The following PLEKHG4 variants were observed in gnomAD, a reference collection of about 807,000 sequenced individuals.
The protein encoded by PLEKHG4 is pleckstrin homology and RhoGEF domain containing G4, also known as puratrophin-1.
A neutral mutation model predicts 136.9 loss-of-function variants in PLEKHG4; 85 were observed. The ratio of observed to expected loss-of-function variants is 0.62; its 90% CI spans 0.52 to 0.74. The LOEUF (loss-of-function observed/expected upper bound fraction) is 0.74, where lower values mean the gene tolerates loss of function less well. PLEKHG4 is among the 30% of genes least tolerant of loss of function. The probability of loss-of-function intolerance (pLI) is 0.00; values close to 1 mark genes in which losing one functional copy is unlikely to be tolerated. For missense variants in PLEKHG4, 1,317 were observed against 1,527.8 expected (o/e 0.86, Z 2.30); for synonymous variants, 577 against 646.9 (o/e 0.89, Z 1.64).
chr16:67,277,820 G>T (rs965497108), upstream of PLEKHG4: 6 of 152,402 alleles, frequency 3.9e-5, no homozygotes, highest in African/African-American at 1.4e-4. Flanking sequence ...ATAACATACA[G>T]TCTCTGTTTC....
In PLEKHG4 at chr16:67,281,133, C is replaced by T. The variant is rs745446321; in HGVS notation, c.762C>T (p.Ala254=). Residue 254 remains alanine, a synonymous_variant, in exon 5 of 22, where the codon GCC becomes GCT. Coordinates refer to ENST00000379344, the MANE Select transcript of PLEKHG4 (RefSeq NM_001129729.3). ...QALGLTVLVD[A]RICAPSSSLF... is the part of the protein sequence containing the mutation. ...TGGGACTGACAGTGCTAGTTGATGCCCGAATTTGTGCTCCAAGTTCTTCCC... is the reference window on the plus strand; with the variant it reads ...TGGGACTGACAGTGCTAGTTGATGCTCGAATTTGTGCTCCAAGTTCTTCCC... 1.4e-5 allele frequency: 23 copies of T among 1,614,140 alleles called. No homozygotes were observed. The South Asian group carries it at 1.6e-4, about 12-fold the overall frequency.
In PLEKHG4 at chr16:67,286,322, T is replaced by C; in HGVS notation, c.2491T>C (p.Ser831Pro). 1 of 1,613,942 alleles carries C rather than the reference T, an allele frequency of 6.2e-7. No homozygotes were observed. Among genetic ancestry groups the C allele is most frequent in the Non-Finnish European group, 8.5e-7 (1 of 1,179,866 alleles). Residue 831 changes from serine to proline, a missense_variant, in exon 15 of 22, where the codon TCC becomes CCC. Coordinates refer to ENST00000379344, the MANE Select transcript of PLEKHG4 (RefSeq NM_001129729.3). ...YALYSKNKPR[S>P]DALMSSYGHT... ...GCTCTACAGCAAGAATAAGCCTCGC[T>C]CCGATGCCCTGATGTCAAGCTATGG... is the stretch of plus-strand genomic sequence containing the variant.
chr16:67,282,609 A>C lies in PLEKHG4; in HGVS notation c.1360A>C (p.Thr454Pro). Residue 454 changes from threonine (T) to proline (P), a missense_variant, in exon 10 of 22, where the codon ACA becomes CCA. Transcript: ENST00000379344. ...QRIQALELVQ[T>P]LEARESGLHQ... ...AATACAGGCCCTAGAGTTGGTCCAAACACTGGAGGCCCGGGAAAGCGGACT... is the reference window on the plus strand; with the variant it reads ...AATACAGGCCCTAGAGTTGGTCCAACCACTGGAGGCCCGGGAAAGCGGACT... The C allele has an allele frequency of 6.2e-7, 1 of 1,614,002 alleles. No homozygotes were observed. Among genetic ancestry groups the C allele is most frequent in the South Asian group, 1.1e-5 (1 of 91,088 alleles).
At position 67,288,221 on chromosome 16, in the gene PLEKHG4, A is replaced by ACCTGGGGGCCTCGAACTCCCTT. The variant is rs757196359; in HGVS notation, c.3281_3302dup (p.Asp1102GlyfsTer48). On this transcript the variant is annotated frameshift_variant, in exon 20 of 22. Coordinates refer to ENST00000379344, the MANE Select transcript of PLEKHG4 (RefSeq NM_001129729.3). LOFTEE classifies it high-confidence loss of function. ...GCCCCGTTTGACCATGACAGCCTCT[A>ACCTGGGGGCCTCGAACTCCCTT]CCTGGGGGCCTCGAACTCCCTTCCT... 4.3e-6 allele frequency: 7 copies of ACCTGGGGGCCTCGAACTCCCTT among 1,613,824 alleles called. No homozygotes were observed. Among genetic ancestry groups the ACCTGGGGGCCTCGAACTCCCTT allele is most frequent in the Non-Finnish European group, 5.1e-6 (6 of 1,179,954 alleles).
At position 67,288,082 on chromosome 16, in the gene PLEKHG4, C is replaced by G. The variant is rs539712475; in HGVS notation, c.3220+68C>G. The G allele has an allele frequency of 2.0e-6, 3 of 1,521,216 alleles. No homozygotes were observed. The East Asian group carries it at 6.8e-5, about 34-fold the overall frequency. The allele number at this position is 1,521,216 out of a possible 1,614,324, so 94.2% of individuals were successfully genotyped here. On this transcript the variant is annotated intron_variant, in intron 19 of 21. Coordinates refer to ENST00000379344, the MANE Select transcript of PLEKHG4 (RefSeq NM_001129729.3). ...CTGTGCGGGAAGCACTGTGGCCCTC[C>G]ATTAGTGCTGGCCCGCACTTTCCTT...
Position 67,282,483 on chromosome 16 carries a change from G to C in PLEKHG4, c.1254-20G>C. On this transcript the variant is annotated intron_variant, in intron 9 of 21. Transcript: ENST00000379344. ...GAGTGGTGCAAGGCAGGGGGTCTAA[G>C]ATGGTATACCCTACACCAGGACGGC... The C allele has an allele frequency of 1.2e-6, 2 of 1,613,930 alleles. No homozygotes were observed. The highest frequency in any genetic ancestry group is 2.2e-5 in the South Asian group (2 of 91,088).
Position 67,287,957 on chromosome 16 carries a change from G to A in PLEKHG4, c.3163G>A (p.Ala1055Thr). The change falls in exon 19 of 22, where the codon GCT (alanine) becomes ACT (threonine). Residue 1055 changes from alanine (A) to threonine (T), a missense_variant. Coordinates refer to ENST00000379344, the MANE Select transcript of PLEKHG4 (RefSeq NM_001129729.3). ...GGGGAACAAGGCCTTCCGAGACATT[G>A]CTCCCAGCGAGGAAGCCATCAACGA... Reference protein sequence around the residue: ...GVGNKAFRDIAPSEEAINDRT... With the variant: ...GVGNKAFRDITPSEEAINDRT... The A allele has an allele frequency of 6.2e-7, 1 of 1,614,096 alleles. No homozygotes were observed. Among genetic ancestry groups the A allele is most frequent in the African/African-American group, 1.3e-5 (1 of 75,034 alleles).
Position 67,288,489 on chromosome 16 carries a change from C to T in PLEKHG4, c.3455C>T (p.Thr1152Ile). ...EAELGGQPSL[T>I]AEDSEISSQC... ...CAGTTCACCCAGTCTCCCTCCCTAG[C>T]TGCTGAGGACTCAGAGATCTCGTCC... The change falls in exon 21 of 22, where the codon ACT (threonine) becomes ATT (isoleucine). Residue 1152 changes from threonine to isoleucine, a missense_variant and splice_region_variant. By Grantham distance (89) the Thr-to-Ile change is moderately conservative. Coordinates refer to ENST00000379344, the MANE Select transcript of PLEKHG4 (RefSeq NM_001129729.3). 6.2e-7 allele frequency: 1 copy of T among 1,614,202 alleles called. No homozygotes were observed. Among genetic ancestry groups the T allele is most frequent in the Non-Finnish European group, 8.5e-7 (1 of 1,180,006 alleles).
chr16:67,280,646 C>T lies in PLEKHG4; in HGVS notation c.500-65C>T, dbSNP rs537534872. The T allele has an allele frequency of 1.2e-5, 19 of 1,612,048 alleles. No homozygotes were observed. Among genetic ancestry groups the T allele is most frequent in the South Asian group, 9.9e-5 (9 of 91,026 alleles). On this transcript the variant is annotated intron_variant, in intron 2 of 21. Transcript: ENST00000379344. This position sits in a 1 kb window ranked among gnomAD's most constrained non-coding sequence, Gnocchi z 4.4. ...CTCTGACCCTACTCAGGCTGAAGCC[C>T]GGGTCCAAGTAGGGGTCTCTGGATA...
chr16:67,283,561 A>G (rs965123042), intron 11 of PLEKHG4, among the ~76,000 whole-genome samples: 3 of 152,040 alleles, frequency 2.0e-5, no homozygotes, highest in African/African-American at 7.2e-5. Context: ...GGAGAAGTTG[A>G]TGGGATTTGC....
intron 11 of PLEKHG4, among the ~76,000 whole-genome samples, chr16:67,283,537 A>G (rs918173974): frequency 6.6e-6 from 1 of 152,170 alleles, no homozygotes; most frequent in Non-Finnish European, 1.5e-5. Context: ...GGATAGTGGC[A>G]GGGGAGACGG....
upstream of PLEKHG4, chr16:67,277,759 G>A (rs2036050156): frequency 6.6e-6 from 1 of 152,400 alleles, no homozygotes; most frequent in Non-Finnish European, 1.5e-5. Flanking sequence ...GCGCCCCAAA[G>A]CATTTATTCT....
At position 67,285,523 on chromosome 16, in the gene PLEKHG4, C is replaced by G; in HGVS notation, c.2429C>G (p.Ala810Gly). Residue 810 changes from alanine to glycine, a missense_variant, in exon 14 of 22, where the codon GCC becomes GGC. Transcript: ENST00000379344. ...CGGCACCCACCACGAGTGGCCTATG[C>G]CTTCCTGCGCCATGTAAGCCCGACA... Reference protein sequence around the residue: ...CTRHPPRVAYAFLRHRVQFGM... With the variant: ...CTRHPPRVAYGFLRHRVQFGM... 1.2e-6 allele frequency: 2 copies of G among 1,608,892 alleles called. No individual in the cohort carries two copies. Among genetic ancestry groups the G allele is most frequent in the Non-Finnish European group, 1.7e-6 (2 of 1,180,012 alleles).
In PLEKHG4 at chr16:67,280,090, G is replaced by A; in HGVS notation, c.46G>A (p.Gly16Ser). 1 of 1,613,822 alleles carries A rather than the reference G, an allele frequency of 6.2e-7. No homozygotes were observed. The highest frequency in any genetic ancestry group is 8.5e-7 in the Non-Finnish European group (1 of 1,179,954). ...TGGGGATGAGTCCCCAGACTCTCAG[G>A]GCCATGCCACCGACTGGAGATTTGC... is the stretch of plus-strand genomic sequence containing the variant. Reference protein sequence around the residue: ...ENGDESPDSQGHATDWRFAVC... With the variant: ...ENGDESPDSQSHATDWRFAVC... Residue 16 changes from glycine (G) to serine (S), a missense_variant, in exon 2 of 22, where the codon GGC (glycine) becomes AGC (serine). Gly to Ser is a moderately conservative substitution (Grantham distance 56). Transcript: ENST00000379344. The surrounding 1 kb of genome is among the most constrained non-coding windows in gnomAD (Gnocchi z 4.4).
Position 67,280,473 on chromosome 16 carries a change from T to C in PLEKHG4, c.429T>C (p.Pro143=), listed in dbSNP as rs1344367895. 1.2e-6 allele frequency: 2 copies of C among 1,603,912 alleles called. No individual in the cohort carries two copies. The highest frequency in any genetic ancestry group is 4.5e-5 in the East Asian group (2 of 44,806). ...PSRAMPSGLS[P]GALDSDPVGL... ...GGGCGATGCCATCTGGCTTGAGCCC[T>C]GGGGCATTGGACAGCGACCCTGTGG... The change falls in exon 2 of 22, where the codon CCT becomes CCC. Residue 143 remains proline (P), a synonymous_variant. Coordinates refer to ENST00000379344, the MANE Select transcript of PLEKHG4 (RefSeq NM_001129729.3). The surrounding 1 kb of genome is among the most constrained non-coding windows in gnomAD (Gnocchi z 4.4).
At chr16:67,279,771 G>A in intron 1 of PLEKHG4, 105 bp from the exon 2 acceptor site, 1 of 441,578 alleles carries the variant, frequency 2.3e-6, no homozygotes, top group Non-Finnish European at 4.1e-6. Flanking sequence ...TGCAGAGCGT[G>A]GCCGTGAGGA....
chr16:67,287,512 ACCTAAG>A (rs2036530484), intron 18 of PLEKHG4: 2 of 492,018 alleles, frequency 4.1e-6, no homozygotes, highest in Admixed American at 6.6e-5. Context: ...CATTCTTCCC[ACCTAAG>A]CCTCCCAAGT....
intron 19 of PLEKHG4, 60 bp downstream of exon 19, chr16:67,288,074 T>C: frequency 6.6e-7 from 1 of 1,515,876 alleles, no homozygotes; most frequent in South Asian, 1.1e-5. Flanking sequence ...GGAAGCACTG[T>C]GGCCCTCCAT....
chr16:67,281,691 A>G, intron 6 of PLEKHG4, 33 bp from the exon 7 acceptor site: 1 of 1,612,450 alleles, frequency 6.2e-7, no homozygotes. Flanking sequence ...GCCTCCCCCC[A>G]GGCCTGGGTC....
Sources: allele counts gnomAD v4.1 joint callset (sites outside exome capture counted in the v4.1 genomes callset), GRCh38; gene constraint gnomAD v4.1.1; non-coding constraint Gnocchi (gnomAD v3.1); transcripts MANE v1.5; gene names NCBI Gene and HGNC (gene_info 2026-07-23, HGNC 2026-07-21).